MAGI1: variants seen among roughly 807,000 people sequenced by gnomAD.
MAGI1 encodes the protein membrane-associated guanylate kinase, WW and PDZ domain-containing protein 1.
In MAGI1, 58 loss-of-function variants were observed where a neutral mutation model predicts 139.9. That is an observed-to-expected ratio of 0.41 (90% confidence interval 0.34 to 0.52). The LOEUF is 0.52. Ranked by LOEUF, MAGI1 falls within the 20% of genes least tolerant of loss-of-function variation. The pLI is 0.12. For synonymous variants in MAGI1, 812 were observed against 737.9 expected, an observed-to-expected ratio of 1.10 and a Z score of -1.63; for missense variants, 1,874 against 1,901.6, an observed-to-expected ratio of 0.99 and a Z score of 0.27.
At chr3:65,704,922 A>T (rs2029902017) in intron 1 of MAGI1, among the ~76,000 whole-genome samples, 1 of 152,068 alleles carries the variant, frequency 6.6e-6, no homozygotes, top group South Asian at 2.1e-4. Context: ...TAGACCCAAG[A>T]CACGGCTTTC....
intron 2 of MAGI1, chr3:65,597,733 G>A (rs926522331): frequency 3.1e-5 from 14 of 456,606 alleles, no homozygotes; most frequent in Middle Eastern, 3.2e-4. Flanking sequence ...GGCTTCCTCC[G>A]GCAGCGGAGC....
chr3:65,519,666 G>A (rs139911740), intron 2 of MAGI1, among the ~76,000 whole-genome samples: 1 of 152,288 alleles, frequency 6.6e-6, no homozygotes, highest in East Asian at 1.9e-4. Context: ...TTACAGGCAT[G>A]AGCCACCTCA....
At chr3:65,937,913 TA>T (rs1477051415) in intron 1 of MAGI1, among the ~76,000 whole-genome samples, 1 of 152,206 alleles carries the variant, frequency 6.6e-6, no homozygotes, top group Non-Finnish European at 1.5e-5. Flanking sequence ...ATATGGCATT[TA>T]TTTTTTTAAT....
At chr3:65,771,605 T>G (rs1210985119) in intron 1 of MAGI1, among the ~76,000 whole-genome samples, 1 of 152,216 alleles carries the variant, frequency 6.6e-6, no homozygotes, top group East Asian at 1.9e-4. Flanking sequence ...CAAATGTGAT[T>G]AATAGTTATT....
intron 1 of MAGI1, among the ~76,000 whole-genome samples, chr3:65,730,573 G>T (rs1294711261): frequency 6.6e-6 from 1 of 152,166 alleles, no homozygotes; most frequent in Non-Finnish European, 1.5e-5. Context: ...TGACGAGACT[G>T]GCTTAGACCA....
chr3:65,595,709 A>T (rs947856879), intron 2 of MAGI1, among the ~76,000 whole-genome samples: 3 of 151,812 alleles, frequency 2.0e-5, no homozygotes, highest in African/African-American at 2.4e-5. Context: ...ACCAAACCTC[A>T]AGCATCTTTT....
chr3:65,725,342 C>G (rs965243725), intron 1 of MAGI1, among the ~76,000 whole-genome samples: 1 of 152,234 alleles, frequency 6.6e-6, no homozygotes, highest in East Asian at 1.9e-4. Flanking sequence ...GTAATGGGAC[C>G]TATCTCAAAC....
chr3:65,925,632 T>C (rs1461273206), intron 1 of MAGI1, among the ~76,000 whole-genome samples: 1 of 152,094 alleles, frequency 6.6e-6, no homozygotes, highest in African/African-American at 2.4e-5. Flanking sequence ...AACCCCAACC[T>C]CTCAAAAAAA....
At chr3:65,407,794 A>T (rs924536825) in intron 12 of MAGI1, among the ~76,000 whole-genome samples, 1 of 152,206 alleles carries the variant, frequency 6.6e-6, no homozygotes, top group African/African-American at 2.4e-5. Context: ...TGGATTTTAC[A>T]CATAATGTGG....
intron 1 of MAGI1, among the ~76,000 whole-genome samples, chr3:66,023,904 C>T (rs888906587): frequency 6.6e-6 from 1 of 152,124 alleles, no homozygotes; most frequent in African/African-American, 2.4e-5. Flanking sequence ...GGCCCTGGGA[C>T]AAAATATTCC....
intron 2 of MAGI1, among the ~76,000 whole-genome samples, chr3:65,574,105 A>C (rs1196706948): frequency 6.6e-6 from 1 of 152,080 alleles, no homozygotes; most frequent in Admixed American, 6.6e-5. Context: ...ACTAAAGAAT[A>C]CAAGATCAAT....
rs1345934295 is a variant in MAGI1, at chr3:65,648,293, G to GTA, written c.314-26206_314-26205insTA. ...CAGAGAAGCTAGTACTACAGGCCGT[G>GTA]TGTGTGTGTGTGTGTGTGTGTGTGC... On this transcript the variant is annotated intron_variant, in intron 1 of 22. Coordinates refer to ENST00000402939, the MANE Select transcript of MAGI1 (RefSeq NM_001033057.2). Among the ~76,000 whole-genome samples the GTA allele has an allele frequency of 7.2e-3, 786 of 109,822 alleles. 7 individuals carry two copies. The highest frequency in any genetic ancestry group is 0.021 in the African/African-American group (725 of 34,016). 72.0% of individuals were successfully genotyped at this position (109,822 alleles called of 152,430 possible). A position where few individuals can be genotyped will look rare whatever the true frequency, so the allele number is the denominator to read the frequency against.
At chr3:65,419,686 C>T (rs1190177389) in intron 12 of MAGI1, among the ~76,000 whole-genome samples, 2 of 152,190 alleles carry the variant, frequency 1.3e-5, no homozygotes, top group African/African-American at 4.8e-5. Flanking sequence ...ATCCACATCT[C>T]AGCAAAGATT....
intron 13 of MAGI1, among the ~76,000 whole-genome samples, chr3:65,395,283 A>G (rs1163537888): frequency 1.3e-5 from 2 of 151,990 alleles, no homozygotes; most frequent in African/African-American, 4.8e-5. Context: ...TAATCTATTG[A>G]TAGCAACACA....
intron 1 of MAGI1, among the ~76,000 whole-genome samples, chr3:65,963,129 G>A (rs73124011): frequency 0.48 from 70,726 of 146,614 alleles, 17,532 homozygotes; most frequent in South Asian, 0.64. Flanking sequence ...TTAGGAGTTC[G>A]AAAACAGCCT....
intron 1 of MAGI1, among the ~76,000 whole-genome samples, chr3:65,982,877 A>G (rs1300139191): frequency 6.6e-6 from 1 of 152,052 alleles, no homozygotes; most frequent in African/African-American, 2.4e-5. Context: ...AAAAATATAT[A>G]TTTTTGTTTG....
At chr3:65,463,097 T>C (rs912117626) in intron 5 of MAGI1, among the ~76,000 whole-genome samples, 1 of 152,226 alleles carries the variant, frequency 6.6e-6, no homozygotes, top group Non-Finnish European at 1.5e-5. Context: ...TCTTCCTATC[T>C]GAATATGCTT....
At chr3:65,921,028 CA>C (rs111680943) in intron 1 of MAGI1, among the ~76,000 whole-genome samples, 33 of 124,490 alleles carry the variant, frequency 2.7e-4, no homozygotes, top group South Asian at 5.3e-4. Context: ...GGTTCTGTCT[CA>C]AAAAAAAAAA....
intron 1 of MAGI1, among the ~76,000 whole-genome samples, chr3:65,939,596 T>C (rs563479501): frequency 6.6e-6 from 1 of 152,252 alleles, no homozygotes; most frequent in East Asian, 1.9e-4. Context: ...CCCATCTAAG[T>C]CATTAAGTAG....
Sources: gnomAD v4.1 joint callset for allele counts (sites outside exome capture counted in the v4.1 genomes callset) on GRCh38, gnomAD v4.1.1 for gene constraint, MANE v1.5 for transcripts, NCBI Gene and HGNC (gene_info 2026-07-23, HGNC 2026-07-21) for gene names.